Variants in CRACR2A observed in about 807,000 individuals in gnomAD.
CRACR2A encodes EF-hand calcium-binding domain-containing protein 4B.
In CRACR2A, 79 loss-of-function variants were observed where a neutral mutation model predicts 90.5. The observed-to-expected ratio is 0.87, with a 90% CI of 0.73 to 1.05. CRACR2A has a LOEUF of 1.05. Ranked by LOEUF, CRACR2A falls within the 50% of genes least tolerant of loss-of-function variation. CRACR2A has a pLI of 0.00. For missense variants in CRACR2A, 823 were observed against 897.2 expected (o/e 0.92, Z 1.06); for synonymous variants, 338 against 356.7 (o/e 0.95, Z 0.59).
chr12:3,652,535 A>G (rs1196867298), intron 10 of CRACR2A, among the ~76,000 whole-genome samples: 1 of 152,088 alleles, frequency 6.6e-6, no homozygotes, highest in Non-Finnish European at 1.5e-5. Context: ...CTTTTACCCC[A>G]GGCAATTAGT....
intron 13 of CRACR2A, 77 bp downstream of exon 13, chr12:3,641,655 G>T (rs997369719): frequency 1.3e-5 from 17 of 1,306,766 alleles, no homozygotes; most frequent in African/African-American, 1.5e-5. Context: ...GGGTCAGCAG[G>T]CACTGAGTAT....
At chr12:3,665,378 C>T (rs1308673289) in intron 7 of CRACR2A, among the ~76,000 whole-genome samples, 1 of 152,176 alleles carries the variant, frequency 6.6e-6, no homozygotes, top group Non-Finnish European at 1.5e-5. Flanking sequence ...GGTCTGGGTT[C>T]AAGTCTTGGT....
intron 3 of CRACR2A, among the ~76,000 whole-genome samples, chr12:3,697,794 GACTTGCCAGGCCTGGTTTGGTGA>G (rs1945768081): frequency 1.3e-5 from 2 of 152,198 alleles, no homozygotes; most frequent in African/African-American, 2.4e-5. Flanking sequence ...TGTTGTAGAG[GACTTGCCAGGCCTGGTTTGGTGA>G]CACCCAAGGC....
chr12:3,721,370 C>CAA (rs140016599), intron 2 of CRACR2A, among the ~76,000 whole-genome samples: 48,836 of 121,428 alleles, frequency 0.4, 8,551 homozygotes, highest in Middle Eastern at 0.51. Flanking sequence ...CCCGTCTCTA[C>CAA]AAAAAAAAAA....
In CRACR2A at chr12:3,720,260, GGAAA is replaced by G. The variant is rs1404354933; in HGVS notation, c.-117-6947_-117-6944del. ...AAGAAAGAAAGAAAGAAAGAGGGAA[GGAAA>G]GAAAGAAAGAGAGAGAGAAAGAAAG... On this transcript the variant is annotated intron_variant, in intron 2 of 19. Coordinates refer to ENST00000440314, the MANE Select transcript of CRACR2A (RefSeq NM_001144958.2). 1.2e-3 allele frequency among the ~76,000 whole-genome samples: 79 copies of G among 68,406 alleles called. 2 individuals are homozygous for G. In the East Asian group the frequency reaches 0.023, roughly 20 times the overall value. 44.9% of individuals were successfully genotyped at this position (68,406 alleles called of 152,430 possible). A position where few individuals can be genotyped will look rare whatever the true frequency, so the allele number is the denominator to read the frequency against.
intron 8 of CRACR2A, among the ~76,000 whole-genome samples, chr12:3,658,296 C>G (rs1944954763): frequency 2.0e-5 from 3 of 152,132 alleles, no homozygotes; most frequent in Admixed American, 1.3e-4. Context: ...ATAGTCATGG[C>G]CCAGGCAGAG....
At chr12:3,744,021 C>T (rs1283734295) in intron 1 of CRACR2A, among the ~76,000 whole-genome samples, 1 of 152,134 alleles carries the variant, frequency 6.6e-6, no homozygotes, top group Non-Finnish European at 1.5e-5. Context: ...AAACTGTGTC[C>T]TGAGTAAATG....
At chr12:3,648,269 C>A in intron 11 of CRACR2A, 3 of 1,356,154 alleles carry the variant, frequency 2.2e-6, no homozygotes, top group South Asian at 2.1e-5. Flanking sequence ...GATCAAGTAC[C>A]AAGCACAGTC....
intron 14 of CRACR2A, 87 bp downstream of exon 14, chr12:3,638,037 G>A: frequency 7.5e-7 from 1 of 1,329,662 alleles, no homozygotes; most frequent in South Asian, 1.5e-5. Context: ...CTGACCTCCT[G>A]AGCTGCCTCT....
chr12:3,745,825 T>TAAAAGAAAG (rs149739964), intron 1 of CRACR2A, among the ~76,000 whole-genome samples: 10,693 of 100,624 alleles, frequency 0.11, 761 homozygotes, highest in Non-Finnish European at 0.13. Context: ...TAAAATAAAA[T>TAAAAGAAAG]AAAGAAAGAA....
intron 7 of CRACR2A, among the ~76,000 whole-genome samples, chr12:3,662,345 C>T (rs541108475): frequency 7.2e-5 from 11 of 152,290 alleles, no homozygotes; most frequent in African/African-American, 1.4e-4. Flanking sequence ...AGCGCAGGGA[C>T]GAGAAGACTT....
rs768992580 is a variant in CRACR2A, at chr12:3,627,497, A to G, written c.1871T>C (p.Met624Thr). The G allele has an allele frequency of 2.3e-5, 36 of 1,551,800 alleles. No homozygotes were observed. The highest frequency in any genetic ancestry group is 1.7e-4 in the Middle Eastern group (1 of 6,016). ...CGACTGCTTGTCTGTGAGATCGTAC[A>G]TGACGATGACACCATCTGCCTTTCT... ...FFRKADGVIVMYDLTDKQSFL... is the reference protein window; with the variant it reads ...FFRKADGVIVTYDLTDKQSFL... The change falls in exon 17 of 20, where the codon ATG becomes ACG. Residue 624 changes from methionine to threonine, a missense_variant. Met to Thr is a moderately conservative substitution (Grantham distance 81). Transcript: ENST00000440314.
chr12:3,742,811 C>T (rs568435209), intron 1 of CRACR2A, among the ~76,000 whole-genome samples: 1 of 152,362 alleles, frequency 6.6e-6, no homozygotes, highest in Non-Finnish European at 1.5e-5. Flanking sequence ...ACCTACTTGG[C>T]TAAGCCCTCT....
intron 2 of CRACR2A, chr12:3,732,293 T>C (rs918284241): frequency 1.3e-5 from 2 of 151,906 alleles, no homozygotes; most frequent in African/African-American, 2.4e-5. Flanking sequence ...CCTCAAGGAG[T>C]TGACAATCTG....
chr12:3,639,457 AAC>A (rs9300301), intron 13 of CRACR2A, among the ~76,000 whole-genome samples: 1 of 139,464 alleles, frequency 7.2e-6, no homozygotes, highest in African/African-American at 2.7e-5. Flanking sequence ...CCAGAATTGA[AAC>A]ACACACACAC....
intron 5 of CRACR2A, 44 bp from the exon 6 acceptor site, chr12:3,679,142 T>C (rs759641822): frequency 1.3e-6 from 2 of 1,518,514 alleles, no homozygotes; most frequent in Non-Finnish European, 1.8e-6. Context: ...ACCATACCCA[T>C]CCAGGAAGAG....
chr12:3,740,264 C>A (rs1026753061), intron 1 of CRACR2A, among the ~76,000 whole-genome samples: 1 of 152,112 alleles, frequency 6.6e-6, no homozygotes, highest in Non-Finnish European at 1.5e-5. Context: ...GAGAGGAAAG[C>A]CAAAGTTAAT....
intron 1 of CRACR2A, among the ~76,000 whole-genome samples, chr12:3,737,586 T>C (rs1946465642): frequency 6.6e-6 from 1 of 152,074 alleles, no homozygotes; most frequent in Admixed American, 6.5e-5. Context: ...AGGCAAGAGA[T>C]GGCAACATCT....
At chr12:3,714,666 T>C (rs1465037144) in intron 2 of CRACR2A, among the ~76,000 whole-genome samples, 1 of 152,274 alleles carries the variant, frequency 6.6e-6, no homozygotes, top group Non-Finnish European at 1.5e-5. Flanking sequence ...AATTTTCTGA[T>C]ATTTTTATTA....
Sources: gnomAD v4.1 joint callset for allele counts (sites outside exome capture counted in the v4.1 genomes callset) on GRCh38, gnomAD v4.1.1 for gene constraint, MANE v1.5 for transcripts, NCBI Gene and HGNC (gene_info 2026-07-23, HGNC 2026-07-21) for gene names.